Variants in PTPRK observed in about 807,000 individuals in gnomAD.
PTPRK encodes the protein protein tyrosine phosphatase receptor type K, also known as receptor-type tyrosine-protein phosphatase kappa.
A neutral mutation model predicts 178.0 loss-of-function variants in PTPRK; 75 were observed. The observed-to-expected ratio is 0.42, with a 90% CI of 0.35 to 0.51. The LOEUF (loss-of-function observed/expected upper bound fraction) is 0.51, where lower values mean the gene tolerates loss of function less well. PTPRK is among the 20% of genes least tolerant of loss of function. The probability of loss-of-function intolerance (pLI) is 0.02; values close to 1 mark genes in which losing one functional copy is unlikely to be tolerated. For synonymous variants in PTPRK, 637 were observed against 620.6 expected (o/e 1.03, Z -0.39); for missense variants, 1,441 against 1,797.8 (o/e 0.80, Z 3.59).
At chr6:128,464,974 A>G (rs1371094703) in intron 1 of PTPRK, among the ~76,000 whole-genome samples, 1 of 151,412 alleles carries the variant, frequency 6.6e-6, no homozygotes, top group East Asian at 1.9e-4. Flanking sequence ...TTGCTCTGAA[A>G]AAAGGTTTGG....
intron 1 of PTPRK, among the ~76,000 whole-genome samples, chr6:128,502,392 T>C (rs1855691043): frequency 1.3e-5 from 2 of 152,192 alleles, no homozygotes; most frequent in Non-Finnish European, 2.9e-5. Flanking sequence ...CATCAACATT[T>C]TGTGTCAACG....
At chr6:128,286,354 A>G (rs1822507340) in intron 3 of PTPRK, among the ~76,000 whole-genome samples, 1 of 152,092 alleles carries the variant, frequency 6.6e-6, no homozygotes, top group South Asian at 2.1e-4. Flanking sequence ...ACCCAATTAC[A>G]TGTCAGACTA....
At chr6:128,337,569 G>C (rs896967211) in intron 2 of PTPRK, among the ~76,000 whole-genome samples, 1 of 152,124 alleles carries the variant, frequency 6.6e-6, no homozygotes, top group African/African-American at 2.4e-5. Context: ...ATCAGCAAAA[G>C]GATCATGTGA....
At chr6:128,292,743 C>T (rs904008833) in intron 3 of PTPRK, among the ~76,000 whole-genome samples, 1 of 152,064 alleles carries the variant, frequency 6.6e-6, no homozygotes, top group Admixed American at 6.6e-5. Flanking sequence ...TTAACTAGTA[C>T]ATTGACATAT....
At chr6:128,256,765 C>T (rs947494665) in intron 3 of PTPRK, among the ~76,000 whole-genome samples, 3 of 151,620 alleles carry the variant, frequency 2.0e-5, no homozygotes, top group Non-Finnish European at 4.4e-5. Context: ...TCTGGGAAAG[C>T]GGACAATGAT....
At chr6:128,484,855 C>A (rs1852587785) in intron 1 of PTPRK, among the ~76,000 whole-genome samples, 1 of 152,094 alleles carries the variant, frequency 6.6e-6, no homozygotes, top group Non-Finnish European at 1.5e-5. Context: ...AGTTTCCTTT[C>A]CTTTCAGAAA....
chr6:128,184,204 A>G (rs921136303), intron 7 of PTPRK, among the ~76,000 whole-genome samples: 3 of 152,126 alleles, frequency 2.0e-5, no homozygotes, highest in Non-Finnish European at 4.4e-5. Context: ...CCAAAAAAGG[A>G]CTCTAGATTC....
chr6:128,263,959 C>T (rs949109188), intron 3 of PTPRK, among the ~76,000 whole-genome samples: 6 of 152,154 alleles, frequency 3.9e-5, no homozygotes, highest in Non-Finnish European at 7.4e-5. Flanking sequence ...AGAAGCACAG[C>T]TGTTTCTTTC....
intron 1 of PTPRK, among the ~76,000 whole-genome samples, chr6:128,496,600 C>G (rs1306547055): frequency 2.6e-5 from 4 of 152,146 alleles, no homozygotes; most frequent in Non-Finnish European, 5.9e-5. Context: ...CTGTCCTGAA[C>G]GATCAGAAAG....
chr6:128,031,660 CT>C (rs1304255138), intron 13 of PTPRK, among the ~76,000 whole-genome samples: 1 of 152,190 alleles, frequency 6.6e-6, no homozygotes, highest in Non-Finnish European at 1.5e-5. Flanking sequence ...AGCTATGCTC[CT>C]TTCCCCTAAC....
intron 2 of PTPRK, among the ~76,000 whole-genome samples, chr6:128,380,227 T>C (rs948222364): frequency 1.3e-5 from 2 of 152,104 alleles, no homozygotes; most frequent in African/African-American, 4.8e-5. Flanking sequence ...GAATAAAGAA[T>C]TTTACATCCT....
intron 11 of PTPRK, among the ~76,000 whole-genome samples, chr6:128,072,081 A>G (rs556519307): frequency 1.3e-5 from 2 of 152,156 alleles, no homozygotes; most frequent in African/African-American, 4.8e-5. Flanking sequence ...TACTTTAGTA[A>G]TTAAAACTAT....
chr6:128,119,329 T>C (rs1219102269), intron 7 of PTPRK, among the ~76,000 whole-genome samples: 1 of 151,904 alleles, frequency 6.6e-6, no homozygotes, highest in Non-Finnish European at 1.5e-5. Flanking sequence ...ATTTCAAAGA[T>C]CAAAATGAAT....
At chr6:128,021,385 C>A (rs182938491) in intron 13 of PTPRK, among the ~76,000 whole-genome samples, 34 of 152,276 alleles carry the variant, frequency 2.2e-4, no homozygotes, top group African/African-American at 7.7e-4. Context: ...GCCTGTAATC[C>A]CAGCACTCTG....
At chr6:128,095,157 A>T (rs1191511466) in intron 7 of PTPRK, among the ~76,000 whole-genome samples, 1 of 152,200 alleles carries the variant, frequency 6.6e-6, no homozygotes, top group East Asian at 1.9e-4. Flanking sequence ...CTAAGTCAAA[A>T]GCAGAGGTCA....
intron 1 of PTPRK, among the ~76,000 whole-genome samples, chr6:128,453,150 A>G (rs1380342598): frequency 1.3e-5 from 2 of 152,212 alleles, no homozygotes; most frequent in African/African-American, 4.8e-5. Flanking sequence ...ACAACTGTAT[A>G]TATTTCCATT....
At position 128,359,029 on chromosome 6, in the gene PTPRK, T is replaced by A. The variant is rs575620877; in HGVS notation, c.224-36719A>T. Among the ~76,000 whole-genome samples, 20 of 152,328 alleles carry A rather than the reference T, an allele frequency of 1.3e-4. 1 individual carries two copies. Among genetic ancestry groups the A allele is most frequent in the Admixed American group, 5.2e-4 (8 of 15,292 alleles). ...ATGACAGCCAGTTAAATAGGATGCA[T>A]ACTGTAGACAATACCCTAATTGCCC... On this transcript the variant is annotated intron_variant, in intron 2 of 29. Coordinates refer to ENST00000368226, the MANE Select transcript of PTPRK (RefSeq NM_002844.4).
intron 3 of PTPRK, among the ~76,000 whole-genome samples, chr6:128,273,366 GA>G (rs201877872): frequency 7.3e-5 from 11 of 150,112 alleles, no homozygotes; most frequent in African/African-American, 2.2e-4. Context: ...AATAAAAAAA[GA>G]AAAAAAAAGA....
intron 1 of PTPRK, among the ~76,000 whole-genome samples, chr6:128,463,015 A>G (rs1356907848): frequency 6.6e-6 from 1 of 152,132 alleles, no homozygotes; most frequent in Non-Finnish European, 1.5e-5. Flanking sequence ...ACATCTAGCT[A>G]CACCTAGAAC....
Sources: allele counts gnomAD v4.1 joint callset (sites outside exome capture counted in the v4.1 genomes callset), GRCh38; gene constraint gnomAD v4.1.1; transcripts MANE v1.5; gene names NCBI Gene and HGNC (gene_info 2026-07-23, HGNC 2026-07-21).